LRP4: variants seen among roughly 807,000 people sequenced by gnomAD.
The protein encoded by LRP4 is LDL receptor related protein 4, also known as low-density lipoprotein receptor-related protein 4.
A neutral mutation model predicts 220.3 loss-of-function variants in LRP4; 95 were observed. The ratio of observed to expected loss-of-function variants is 0.43; its 90% CI spans 0.37 to 0.51. The LOEUF (loss-of-function observed/expected upper bound fraction) is 0.51, where lower values mean the gene tolerates loss of function less well. Among genes scored for constraint, LRP4 ranks in the 20% least tolerant of loss-of-function variants. The pLI, the probability that LRP4 is intolerant of heterozygous loss-of-function variation, is 0.00. For synonymous variants in LRP4, 903 were observed against 954.6 expected (o/e 0.95, Z 1.00); for missense variants, 1,925 against 2,567.0 (o/e 0.75, Z 5.40).
chr11:46,889,840 A>C, intron 15 of LRP4, 104 bp downstream of exon 15: 1 of 1,317,316 alleles, frequency 7.6e-7, no homozygotes, highest in Admixed American at 1.7e-5. Context: ...GGATTTCCCC[A>C]TCAGAAGAAA....
chr11:46,911,600 A>T lies in LRP4; in HGVS notation c.52+6728T>A, dbSNP rs542836915. Among the ~76,000 whole-genome samples, 325 of 133,132 alleles carry T rather than the reference A, an allele frequency of 2.4e-3. 15 individuals are homozygous for T. The highest frequency in any genetic ancestry group is 8.8e-3 in the African/African-American group (301 of 34,014). 87.3% of individuals were successfully genotyped at this position (133,132 alleles called of 152,430 possible). A position where few individuals can be genotyped will look rare whatever the true frequency, so the allele number is the denominator to read the frequency against. On this transcript the variant is annotated intron_variant, in intron 1 of 37. Transcript: ENST00000378623. The stretch of plus-strand genomic sequence containing the variant: ...TGAGAACCTGTCTCAAAAAAAAAAA[A>T]TAAATAAATAAATAAAAATAAAGTC...
Position 46,869,124 on chromosome 11 carries a change from C to T in LRP4, c.4701G>A (p.Arg1567=). 1.9e-6 allele frequency: 3 copies of T among 1,614,122 alleles called. No individual in the cohort carries two copies. In the South Asian group the frequency reaches 3.3e-5, roughly 18 times the overall value. ...SHPFALTQQD[R]WIYWTDWQTK... Reference sequence around the variant, plus strand: ...TCTGCCAGTCTGTCCAGTAGATCCACCTGTCTTGCTACTCAACAGGGGAAG... The same window carrying T: ...TCTGCCAGTCTGTCCAGTAGATCCATCTGTCTTGCTACTCAACAGGGGAAG... The change falls in exon 32 of 38, where the codon AGG becomes AGA. Residue 1567 remains arginine, a synonymous_variant. Transcript: ENST00000378623.
Position 46,902,928 on chromosome 11 carries a change from G to A in LRP4, c.54C>T (p.Gly18=), listed in dbSNP as rs372935440. The change falls in exon 2 of 38, where the codon GGC becomes GGT. Residue 18 remains glycine (G), a splice_region_variant and synonymous_variant. Transcript: ENST00000378623. ...AAGCACACTCGGGGCTGCTGGCCAGGCCTGGGCGGAGGGAAAAGGAATCAG... is the reference window on the plus strand; with the variant it reads ...AAGCACACTCGGGGCTGCTGGCCAGACCTGGGCGGAGGGAAAAGGAATCAG... ...LLLGALLCAH[G]LASSPECACG... is the part of the protein sequence containing the mutation. The A allele has an allele frequency of 6.2e-7, 1 of 1,614,032 alleles. No homozygotes were observed. The highest frequency in any genetic ancestry group is 1.3e-5 in the African/African-American group (1 of 75,058).
At chr11:46,897,961 C>T (rs1367778290) in intron 7 of LRP4, among the ~76,000 whole-genome samples, 6 of 150,522 alleles carry the variant, frequency 4.0e-5, no homozygotes, top group African/African-American at 1.2e-4. Context: ...CGGGCAGAGG[C>T]GCCCCTCACC....
At position 46,873,642 on chromosome 11, in the gene LRP4, G is replaced by T; in HGVS notation, c.4230-49C>A. The stretch of plus-strand genomic sequence containing the variant: ...TGAGCAACCAGACTGACCCAGAATA[G>T]AGTAGAACTTTAACCCATGTTCCCA... On this transcript the variant is annotated intron_variant, in intron 28 of 37. Coordinates refer to ENST00000378623, the MANE Select transcript of LRP4 (RefSeq NM_002334.4). The surrounding 1 kb of genome is among the most constrained non-coding windows in gnomAD (Gnocchi z 4.2). 2 of 1,492,264 alleles carry T rather than the reference G, an allele frequency of 1.3e-6. No individual in the cohort carries two copies. Among genetic ancestry groups the T allele is most frequent in the Non-Finnish European group, 1.9e-6 (2 of 1,080,560 alleles). The allele number at this position is 1,492,264 out of a possible 1,614,324, so 92.4% of individuals were successfully genotyped here.
chr11:46,865,038 A>G (rs1055764692), intron 35 of LRP4, 81 bp downstream of exon 35: 47 of 1,211,452 alleles, frequency 3.9e-5, no homozygotes, highest in East Asian at 7.6e-5. Context: ...CAGAGTCCCA[A>G]TGAAGGTTAT....
intron 2 of LRP4, among the ~76,000 whole-genome samples, chr11:46,901,758 A>C (rs1409667598): frequency 6.6e-6 from 1 of 151,562 alleles, no homozygotes; most frequent in Non-Finnish European, 1.5e-5. Context: ...TTTTAGACGG[A>C]GTCTCGCTCT....
Position 46,875,806 on chromosome 11 carries a change from C to T in LRP4, c.3697G>A (p.Glu1233Lys), listed in dbSNP as rs786205153. 3 of 1,614,072 alleles carry T rather than the reference C, an allele frequency of 1.9e-6. No individual in the cohort carries two copies. The highest frequency in any genetic ancestry group is 2.2e-5 in the East Asian group (1 of 44,862). Residue 1233 changes from glutamate to lysine, a missense_variant and splice_region_variant, in exon 26 of 38, where the codon GAG becomes AAG. By Grantham distance (56) the Glu-to-Lys change is moderately conservative. Transcript: ENST00000378623. The surrounding 1 kb of genome is among the most constrained non-coding windows in gnomAD (Gnocchi z 4.5). ...AGCAGCAGGGACACGGCTCTCACCT[C>T]GGTGTGGGCATCGGCCCATAGCAGT... ...SQLLWADAHT[E>K]RIEAADLNGA... is the part of the protein sequence containing the mutation.
At chr11:46,913,303 T>G (rs1313576534) in intron 1 of LRP4, among the ~76,000 whole-genome samples, 1 of 152,170 alleles carries the variant, frequency 6.6e-6, no homozygotes, top group African/African-American at 2.4e-5. Context: ...CAGACAACCG[T>G]CAGGAAGCTA....
rs914000908 is a variant in LRP4, at chr11:46,875,285, G to A, written c.3925+171C>T. On this transcript the variant is annotated intron_variant, in intron 27 of 37. Coordinates refer to ENST00000378623, the MANE Select transcript of LRP4 (RefSeq NM_002334.4). The surrounding 1 kb of genome is among the most constrained non-coding windows in gnomAD (Gnocchi z 4.5). Reference sequence around the variant, plus strand: ...CAGGAGTCCTTTGAAGGTGACAGCTGTAGTACCAGCCATACCCAGAGAGAA... The same window carrying A: ...CAGGAGTCCTTTGAAGGTGACAGCTATAGTACCAGCCATACCCAGAGAGAA... 6.6e-6 allele frequency among the ~76,000 whole-genome samples: 1 copy of A among 152,182 alleles called. No individual in the cohort carries two copies. The highest frequency in any genetic ancestry group is 2.4e-5 in the African/African-American group (1 of 41,440).
rs1320524586 is a variant in LRP4 at position 46,877,152 on chromosome 11, G to A, written c.3277+47C>T. 3.1e-6 allele frequency: 5 copies of A among 1,607,312 alleles called. No homozygotes were observed. The South Asian group carries it at 5.5e-5, about 18-fold the overall frequency. ...TGGGAGAGGAAAGACAGTAATTGTT[G>A]AAGGGCAGGGACAGAAGGCCAGGTG... On this transcript the variant is annotated intron_variant, in intron 23 of 37. Coordinates refer to ENST00000378623, the MANE Select transcript of LRP4 (RefSeq NM_002334.4).
chr11:46,916,421 C>A (rs1941947069), intron 1 of LRP4, among the ~76,000 whole-genome samples: 1 of 152,128 alleles, frequency 6.6e-6, no homozygotes, highest in South Asian at 2.1e-4. Flanking sequence ...GCCTGGGCAA[C>A]AGAGTGAGAC....
At chr11:46,870,970 C>A (rs1403664606) in intron 31 of LRP4, among the ~76,000 whole-genome samples, 1 of 152,158 alleles carries the variant, frequency 6.6e-6, no homozygotes, top group African/African-American at 2.4e-5. Flanking sequence ...GAGGTTCAGT[C>A]ACTCTAGTTC....
At chr11:46,895,354 C>A (rs1941505266) in intron 10 of LRP4, 63 bp from the exon 11 acceptor site, 1 of 1,599,096 alleles carries the variant, frequency 6.3e-7, no homozygotes, top group African/African-American at 1.3e-5. Flanking sequence ...CGCTCCCAGG[C>A]TGCCGAGCTG....
intron 19 of LRP4, among the ~76,000 whole-genome samples, chr11:46,883,454 C>T (rs1472841789): frequency 2.0e-5 from 3 of 152,266 alleles, no homozygotes; most frequent in Admixed American, 6.5e-5. Context: ...GGACATGCTC[C>T]TGCTGCATTT....
chr11:46,896,210 G>C lies in LRP4; in HGVS notation c.1048C>G (p.Arg350Gly). The change falls in exon 9 of 38, where the codon CGG becomes GGG. Residue 350 changes from arginine (R) to glycine (G), a missense_variant and splice_region_variant. By Grantham distance (125) the Arg-to-Gly change is moderately radical. This residue lies in a region of LRP4 where 412 missense variants were observed against 505.4 expected (regional missense o/e 0.82). Transcript: ENST00000378623. ...AGGTCCGCCCACTGGGGACACTCAC[G>C]GCAATTCTGCTGTGGGCTTTCGTCG... ...NSDESPQQNCRPRTGEENCNV... is the reference protein window; with the variant it reads ...NSDESPQQNCGPRTGEENCNV... 6.2e-7 allele frequency: 1 copy of C among 1,613,804 alleles called. No homozygotes were observed. Among genetic ancestry groups the C allele is most frequent in the Non-Finnish European group, 8.5e-7 (1 of 1,180,024 alleles).
chr11:46,867,437 G>T (rs1186332835), intron 34 of LRP4, among the ~76,000 whole-genome samples: 1 of 152,188 alleles, frequency 6.6e-6, no homozygotes. Flanking sequence ...GTTTAAAGTT[G>T]TTCTTTTTTT....
chr11:46,877,152 GA>G, intron 23 of LRP4, 46 bp downstream of exon 23: 1 of 1,607,426 alleles, frequency 6.2e-7, no homozygotes, highest in Non-Finnish European at 8.5e-7. Flanking sequence ...AGTAATTGTT[GA>G]AGGGCAGGGA....
intron 19 of LRP4, among the ~76,000 whole-genome samples, chr11:46,882,730 C>T (rs1214758292): frequency 2.6e-5 from 4 of 151,534 alleles, no homozygotes; most frequent in East Asian, 2.0e-4. Flanking sequence ...GTGGTCTGTG[C>T]CTGCAGTCCC....
Sources: gnomAD v4.1 joint callset for allele counts (sites outside exome capture counted in the v4.1 genomes callset) on GRCh38, gnomAD v4.1.1 for gene constraint, gnomAD v4.1.1 regional missense constraint, Gnocchi (gnomAD v3.1) non-coding constraint, MANE v1.5 for transcripts, NCBI Gene and HGNC (gene_info 2026-07-23, HGNC 2026-07-21) for gene names.